The following ANKRD12 variants were observed in gnomAD, a reference collection of about 807,000 sequenced individuals.
ANKRD12 encodes the protein ankyrin repeat domain-containing protein 12.
In ANKRD12, 85 loss-of-function variants were observed where a neutral mutation model predicts 183.4. The observed-to-expected ratio is 0.46, with a 90% CI of 0.39 to 0.56. The LOEUF (loss-of-function observed/expected upper bound fraction) is 0.56. Among genes scored for constraint, ANKRD12 ranks in the 20% least tolerant of loss-of-function variants. ANKRD12 has a pLI of 0.00. For synonymous variants in ANKRD12, 914 were observed against 800.2 expected (o/e 1.14, Z -2.40); for missense variants, 2,405 against 2,357.1 (o/e 1.02, Z -0.42).
At chr18:9,214,160 A>G (rs2035959782) in intron 6 of ANKRD12, among the ~76,000 whole-genome samples, 1 of 152,098 alleles carries the variant, frequency 6.6e-6, no homozygotes, top group African/African-American at 2.4e-5. Flanking sequence ...TAGTGAAAAT[A>G]GGAAAAAATT....
rs773133580 is a variant in ANKRD12, at chr18:9,263,770, A to G, written c.5665-20A>G. 2.3e-5 allele frequency: 34 copies of G among 1,504,224 alleles called. No individual in the cohort carries two copies. Among genetic ancestry groups the G allele is most frequent in the East Asian group, 1.6e-4 (7 of 42,562 alleles). The allele number at this position is 1,504,224 out of a possible 1,614,324, so 93.2% of individuals were successfully genotyped here. A position where few individuals can be genotyped will look rare whatever the true frequency, so the allele number is the denominator to read the frequency against. ...TAAATAAAACCTAATATTTTAAACT[A>G]TATATATCTTTTTAATTAGATTACA... On this transcript the variant is annotated intron_variant, in intron 9 of 12. Coordinates refer to ENST00000262126, the MANE Select transcript of ANKRD12 (RefSeq NM_015208.5).
At chr18:9,226,927 A>G (rs919580600) in intron 8 of ANKRD12, among the ~76,000 whole-genome samples, 2 of 152,198 alleles carry the variant, frequency 1.3e-5, no homozygotes, top group African/African-American at 4.8e-5. Context: ...ATCCGCAGAG[A>G]TGGTAATTAA....
intron 2 of ANKRD12, among the ~76,000 whole-genome samples, chr18:9,189,006 G>A (rs2034286646): frequency 1.3e-5 from 2 of 152,210 alleles, no homozygotes; most frequent in South Asian, 4.1e-4. Flanking sequence ...AGCTTAGTGA[G>A]GAAGGTATGT....
intron 1 of ANKRD12, among the ~76,000 whole-genome samples, chr18:9,147,251 C>T (rs1443419986): frequency 6.6e-6 from 1 of 151,948 alleles, no homozygotes; most frequent in Non-Finnish European, 1.5e-5. Flanking sequence ...GTTAAAAATC[C>T]TTTCATTTAA....
intron 10 of ANKRD12, among the ~76,000 whole-genome samples, chr18:9,267,785 A>T (rs1175168530): frequency 6.6e-6 from 1 of 152,222 alleles, no homozygotes; most frequent in Non-Finnish European, 1.5e-5. Context: ...GCAGAACTGA[A>T]GGAAATAGAG....
At chr18:9,264,520 G>C (rs183053699) in intron 10 of ANKRD12, among the ~76,000 whole-genome samples, 25 of 151,242 alleles carry the variant, frequency 1.7e-4, no homozygotes, top group Admixed American at 1.5e-3. Context: ...ATACATGATT[G>C]ATTTTCCTGG....
intron 3 of ANKRD12, among the ~76,000 whole-genome samples, chr18:9,200,224 A>C (rs541096370): frequency 6.6e-6 from 1 of 152,252 alleles, no homozygotes; most frequent in Non-Finnish European, 1.5e-5. Context: ...GAAATTAGGG[A>C]ATGAATTACA....
chr18:9,205,508 A>T (rs1186512754), intron 4 of ANKRD12, among the ~76,000 whole-genome samples: 1 of 152,072 alleles, frequency 6.6e-6, no homozygotes, highest in East Asian at 1.9e-4. Context: ...AATTGAGCTG[A>T]TAAGTCAGTA....
At chr18:9,159,257 C>T (rs1322458782) in intron 1 of ANKRD12, among the ~76,000 whole-genome samples, 1 of 152,020 alleles carries the variant, frequency 6.6e-6, no homozygotes, top group Non-Finnish European at 1.5e-5. Flanking sequence ...ATATACATAT[C>T]TATAATTCTA....
intron 3 of ANKRD12, among the ~76,000 whole-genome samples, chr18:9,198,797 C>T (rs565028080): frequency 8.5e-5 from 13 of 152,226 alleles, no homozygotes; most frequent in African/African-American, 3.1e-4. Context: ...CTGCCAGCCT[C>T]AGCCTCCCAA....
chr18:9,139,120 G>A (rs1267959034), intron 1 of ANKRD12, among the ~76,000 whole-genome samples: 2 of 152,190 alleles, frequency 1.3e-5, no homozygotes, highest in African/African-American at 4.8e-5. Context: ...ATCTCTGGGT[G>A]TGTATTCCAT....
chr18:9,272,136 CT>C (rs1223843724), intron 10 of ANKRD12, among the ~76,000 whole-genome samples: 4 of 152,202 alleles, frequency 2.6e-5, no homozygotes, highest in Non-Finnish European at 5.9e-5. Context: ...TTGAGAGGCT[CT>C]GCTCTAGGGG....
At chr18:9,200,562 T>C (rs2035103808) in intron 3 of ANKRD12, 1 of 152,156 alleles carries the variant, frequency 6.6e-6, no homozygotes, top group South Asian at 2.1e-4. Flanking sequence ...ATCATGGCAG[T>C]GTTTACTGTT....
chr18:9,174,427 C>G (rs938831746), intron 1 of ANKRD12, among the ~76,000 whole-genome samples: 3 of 152,222 alleles, frequency 2.0e-5, no homozygotes, highest in African/African-American at 7.2e-5. Flanking sequence ...ACGTGTGAGC[C>G]TGAGCAACTG....
At chr18:9,276,119 A>G (rs1226022505) in intron 11 of ANKRD12, among the ~76,000 whole-genome samples, 1 of 152,250 alleles carries the variant, frequency 6.6e-6, no homozygotes, top group Non-Finnish European at 1.5e-5. Flanking sequence ...CTGGAGAAAT[A>G]TCTTCAATAA....
chr18:9,151,017 G>C (rs2078667738), intron 1 of ANKRD12, among the ~76,000 whole-genome samples: 1 of 152,096 alleles, frequency 6.6e-6, no homozygotes, highest in South Asian at 2.1e-4. Flanking sequence ...TGAGCTTTTT[G>C]TGGGAAAATG....
In ANKRD12 at chr18:9,256,428, C is replaced by T; in HGVS notation, c.3161C>T (p.Pro1054Leu). 6.2e-7 allele frequency: 1 copy of T among 1,613,078 alleles called. No individual in the cohort carries two copies. Among genetic ancestry groups the T allele is most frequent in the Non-Finnish European group, 8.5e-7 (1 of 1,179,678 alleles). Reference protein sequence around the residue: ...KLKSEADKPKPKSSPASKDTR... With the variant: ...KLKSEADKPKLKSSPASKDTR... ...AAATCTGAAGCAGATAAGCCTAAACCTAAGTCATCACCAGCATCAAAAGAT... is the reference window on the plus strand; with the variant it reads ...AAATCTGAAGCAGATAAGCCTAAACTTAAGTCATCACCAGCATCAAAAGAT... The change falls in exon 9 of 13, where the codon CCT (proline) becomes CTT (leucine). Residue 1054 changes from proline to leucine, a missense_variant. Transcript: ENST00000262126.
chr18:9,246,387 A>G (rs2037963454), intron 8 of ANKRD12, among the ~76,000 whole-genome samples: 1 of 152,172 alleles, frequency 6.6e-6, no homozygotes, highest in African/African-American at 2.4e-5. Context: ...ATACAAGAAA[A>G]TAAGTATCGT....
intron 1 of ANKRD12, among the ~76,000 whole-genome samples, chr18:9,138,443 G>T (rs2078202691): frequency 6.6e-6 from 1 of 152,228 alleles, no homozygotes; most frequent in Non-Finnish European, 1.5e-5. Flanking sequence ...AACCCGGGCG[G>T]CAGAGGTTGC....
Sources: gnomAD v4.1 joint callset for allele counts (sites outside exome capture counted in the v4.1 genomes callset) on GRCh38, gnomAD v4.1.1 for gene constraint, MANE v1.5 for transcripts, NCBI Gene and HGNC (gene_info 2026-07-23, HGNC 2026-07-21) for gene names.